The following NBAS variants were observed in gnomAD, a reference collection of about 807,000 sequenced individuals.
NBAS encodes NAG/BC035112 fusion.
NBAS carries 219 observed loss-of-function variants against 302.5 expected under a neutral mutation model. The ratio of observed to expected loss-of-function variants is 0.72; its 90% CI spans 0.65 to 0.81. NBAS has a LOEUF of 0.81. Among genes scored for constraint, NBAS ranks in the 30% least tolerant of loss-of-function variants. The pLI, the probability that NBAS is intolerant of heterozygous loss-of-function variation, is 0.00. For synonymous variants in NBAS, 1,118 were observed against 1,021.6 expected (o/e 1.09, Z -1.80); for missense variants, 2,932 against 2,841.6 (o/e 1.03, Z -0.72).
At chr2:14,840,428 G>T in the NBAS span, among the ~76,000 whole-genome samples, 2 of 151,920 alleles carry the variant, frequency 1.3e-5, no homozygotes, top group Admixed American at 1.3e-4. Context: ...TAAGGTACAG[G>T]TAGGTTACAG....
At chr2:15,263,985 G>C (rs1989380) in intron 44 of NBAS, among the ~76,000 whole-genome samples, 88,761 of 152,108 alleles carry the variant, frequency 0.58, 28,548 homozygotes, top group African/African-American at 0.85. Context: ...GCACAGGCTA[G>C]ATAGTGTATT....
chr2:15,114,645 C>A, the NBAS span, among the ~76,000 whole-genome samples: 2 of 152,028 alleles, frequency 1.3e-5, no homozygotes, highest in African/African-American at 4.8e-5. Flanking sequence ...GAGGGAGGAC[C>A]ATAACAGGCT....
intron 28 of NBAS, among the ~76,000 whole-genome samples, chr2:15,386,198 T>C (rs1282456481): frequency 4.6e-5 from 7 of 152,164 alleles, no homozygotes; most frequent in African/African-American, 1.4e-4. Flanking sequence ...TAACACCGTA[T>C]AGCTGCAAGA....
the NBAS span, among the ~76,000 whole-genome samples, chr2:14,913,393 G>A: frequency 6.6e-6 from 1 of 152,162 alleles, no homozygotes; most frequent in East Asian, 1.9e-4. Flanking sequence ...GAGTTAGGTA[G>A]CGAAGGAAAG....
the NBAS span, among the ~76,000 whole-genome samples, chr2:15,002,310 T>C: frequency 6.6e-6 from 1 of 152,040 alleles, no homozygotes; most frequent in Non-Finnish European, 1.5e-5. Context: ...CCAGAGTAGC[T>C]AGATACACAG....
the NBAS span, among the ~76,000 whole-genome samples, chr2:15,062,736 A>C: frequency 6.6e-6 from 1 of 152,238 alleles, no homozygotes; most frequent in African/African-American, 2.4e-5. Context: ...TTTACAAAGG[A>C]CATCACACAT....
intron 44 of NBAS, among the ~76,000 whole-genome samples, chr2:15,271,583 A>G (rs937250197): frequency 6.6e-6 from 1 of 152,182 alleles, no homozygotes; most frequent in East Asian, 1.9e-4. Context: ...ATTACCTGGG[A>G]ATTTTTAAAG....
the NBAS span, among the ~76,000 whole-genome samples, chr2:15,144,065 A>ATATATATATATATC: frequency 8.2e-6 from 1 of 121,672 alleles, no homozygotes; most frequent in African/African-American, 3.4e-5. Flanking sequence ...ATATATATAT[A>ATATATATATATATC]TATCTCCCAT....
the NBAS span, among the ~76,000 whole-genome samples, chr2:14,800,785 G>GTTTTTTTTTTTTTTTTTTTTTT: frequency 2.3e-5 from 3 of 129,526 alleles, no homozygotes; most frequent in African/African-American, 3.2e-5. Context: ...GATTTAAATT[G>GTTTTTTTTTTTTTTTTTTTTTT]TTTTTGTTTT....
At chr2:14,852,052 T>G in the NBAS span, among the ~76,000 whole-genome samples, 2 of 40,754 alleles carry the variant, frequency 4.9e-5, no homozygotes, top group African/African-American at 8.4e-4. Flanking sequence ...ACCACTCCTA[T>G]TCAACATAGT....
chr2:14,983,462 T>C, the NBAS span, among the ~76,000 whole-genome samples: 2 of 152,216 alleles, frequency 1.3e-5, no homozygotes, highest in African/African-American at 4.8e-5. Context: ...CATGATACCT[T>C]GTCTCACAGG....
intron 23 of NBAS, among the ~76,000 whole-genome samples, chr2:15,420,108 A>G (rs1018587502): frequency 2.0e-5 from 3 of 152,178 alleles, no homozygotes; most frequent in African/African-American, 7.2e-5. Context: ...TCTTCTAGTA[A>G]TAACAGTAGC....
chr2:15,194,425 C>T (rs563218081), intron 48 of NBAS, among the ~76,000 whole-genome samples: 22 of 152,054 alleles, frequency 1.4e-4, no homozygotes, highest in East Asian at 9.7e-4. Flanking sequence ...AAGAAAAGAA[C>T]GGTTAACTAC....
intron 21 of NBAS, among the ~76,000 whole-genome samples, chr2:15,434,272 C>G (rs1216242796): frequency 6.6e-6 from 1 of 152,000 alleles, no homozygotes; most frequent in Non-Finnish European, 1.5e-5. Context: ...CTAGAGAAAA[C>G]AGATGACAAG....
intron 9 of NBAS, among the ~76,000 whole-genome samples, chr2:15,530,798 T>C: frequency 6.6e-6 from 1 of 151,978 alleles, no homozygotes; most frequent in East Asian, 1.9e-4. Context: ...AAAGTGAGAT[T>C]ACTGACTATC....
chr2:15,201,769 C>T (rs1235618243), intron 48 of NBAS, among the ~76,000 whole-genome samples: 1 of 152,076 alleles, frequency 6.6e-6, no homozygotes, highest in Admixed American at 6.5e-5. Context: ...TTCTATGGAA[C>T]TAAAAAACAG....
In NBAS at chr2:15,352,047, T is replaced by C. The variant is rs746818112; in HGVS notation, c.4124A>G (p.His1375Arg). Residue 1375 changes from histidine (H) to arginine (R), a missense_variant, in exon 35 of 52, where the codon CAT (histidine) becomes CGT (arginine). Coordinates refer to ENST00000281513, the MANE Select transcript of NBAS (RefSeq NM_015909.4). ...LYQRVNFQIH[H>R]EGGENISASP... ...AGCACTGATATTTTCCCCTCCTTCA[T>C]GATGGATCTGGAAATTCACTCTTTG... is the stretch of plus-strand genomic sequence containing the variant. 6.2e-7 allele frequency: 1 copy of C among 1,611,688 alleles called. No homozygotes were observed. Among genetic ancestry groups the C allele is most frequent in the Non-Finnish European group, 8.5e-7 (1 of 1,177,880 alleles).
intron 44 of NBAS, among the ~76,000 whole-genome samples, chr2:15,271,042 T>C (rs1669296208): frequency 6.6e-6 from 1 of 152,214 alleles, no homozygotes; most frequent in South Asian, 2.1e-4. Flanking sequence ...ATGCAACCTT[T>C]TGATCAAGAC....
the NBAS span, among the ~76,000 whole-genome samples, chr2:14,871,305 A>G: frequency 2.0e-5 from 3 of 152,146 alleles, no homozygotes; most frequent in Non-Finnish European, 4.4e-5. Flanking sequence ...AGAAACTTAC[A>G]GACTCCTAGA....
Sources: gnomAD v4.1 joint callset for allele counts (sites outside exome capture counted in the v4.1 genomes callset) on GRCh38, gnomAD v4.1.1 for gene constraint, MANE v1.5 for transcripts, NCBI Gene and HGNC (gene_info 2026-07-23, HGNC 2026-07-21) for gene names.